ESPNL: variants seen among roughly 807,000 people sequenced by gnomAD.
The protein encoded by ESPNL is espin like.
A neutral mutation model predicts 46.8 loss-of-function variants in ESPNL; 49 were observed. That is an observed-to-expected ratio of 1.05 (90% confidence interval 0.83 to 1.33). ESPNL has a LOEUF of 1.33. Ranked by LOEUF, ESPNL falls within the 40% of genes most tolerant of loss-of-function variation. The pLI, the probability that ESPNL is intolerant of heterozygous loss-of-function variation, is 0.00. For synonymous variants in ESPNL, 664 were observed against 662.1 expected (o/e 1.00, Z -0.04); for missense variants, 1,540 against 1,436.6 (o/e 1.07, Z -1.16).
In ESPNL at chr2:238,132,990, CA is replaced by C; in HGVS notation, c.*1262del. The C allele has an allele frequency of 6.6e-6, 1 of 152,410 alleles. No individual in the cohort carries two copies. The highest frequency in any genetic ancestry group is 1.5e-5 in the Non-Finnish European group (1 of 68,072). 9.4% of individuals were successfully genotyped at this position (152,410 alleles called of 1,614,324 possible). A position where few individuals can be genotyped will look rare whatever the true frequency, so the allele number is the denominator to read the frequency against. ...CCTCAATCCCTGGGGATTGTCCAGGCAAAACCTGGAGGGCAGCGGGCAAGCT... is the reference window on the plus strand; with the variant it reads ...CCTCAATCCCTGGGGATTGTCCAGGCAAACCTGGAGGGCAGCGGGCAAGCT... On this transcript the variant is annotated 3_prime_UTR_variant, in exon 9 of 9. Transcript: ENST00000343063.
intron 6 of ESPNL, 35 bp downstream of exon 6, chr2:238,125,419 A>T: frequency 7.6e-7 from 1 of 1,313,462 alleles, no homozygotes; most frequent in Non-Finnish European, 1.0e-6. Context: ...CACCCAGGGC[A>T]TGGGCCTGGG....
At chr2:238,120,717 T>G (rs1342382248) in intron 5 of ESPNL, among the ~76,000 whole-genome samples, 1 of 152,216 alleles carries the variant, frequency 6.6e-6, no homozygotes, top group Non-Finnish European at 1.5e-5. Context: ...GAGGGTCTGG[T>G]GACGGCAGGG....
chr2:238,105,680 C>CG (rs1421137884), intron 3 of ESPNL, among the ~76,000 whole-genome samples: 6 of 151,840 alleles, frequency 4.0e-5, no homozygotes, highest in East Asian at 1.9e-4. Flanking sequence ...CCATGGGGCC[C>CG]GGGGGCGGGC....
chr2:238,123,041 G>A (rs947142864), intron 5 of ESPNL, among the ~76,000 whole-genome samples: 5 of 152,212 alleles, frequency 3.3e-5, no homozygotes, highest in South Asian at 4.1e-4. Flanking sequence ...GCTTTGAGGC[G>A]TTCCCTTGCC....
At chr2:238,106,069 C>T (rs1420535973) in intron 3 of ESPNL, among the ~76,000 whole-genome samples, 3 of 152,228 alleles carry the variant, frequency 2.0e-5, no homozygotes, top group Admixed American at 6.5e-5. Flanking sequence ...TTCCTCCCCA[C>T]CGGCGCACCA....
rs528029677 is a variant in ESPNL, at chr2:238,117,790, T to A, written c.987+756T>A. Among the ~76,000 whole-genome samples the A allele has an allele frequency of 9.9e-5, 15 of 151,822 alleles. No individual in the cohort carries two copies. The South Asian group carries it at 1.0e-3, about 11-fold the overall frequency. On this transcript the variant is annotated intron_variant, in intron 5 of 8. Coordinates refer to ENST00000343063, the MANE Select transcript of ESPNL (RefSeq NM_194312.4). ...GCATGAGGGTGAGCAGAGGAAGGGATGGATGGGGAGGGAACAGACAGAGGA... is the reference window on the plus strand; with the variant it reads ...GCATGAGGGTGAGCAGAGGAAGGGAAGGATGGGGAGGGAACAGACAGAGGA...
intron 6 of ESPNL, among the ~76,000 whole-genome samples, chr2:238,126,449 T>C (rs1692118817): frequency 6.6e-6 from 1 of 151,904 alleles, no homozygotes; most frequent in African/African-American, 2.4e-5. Context: ...AGTGTGTGAT[T>C]GTGTCTATGT....
In ESPNL at chr2:238,102,150, C is replaced by T. The variant is rs908483487; in HGVS notation, c.485+19C>T. Reference sequence around the variant, plus strand: ...ATGGCAGGTAAGGAGCCCAAAGTCCCGCCTGGGGGGGCAGCCTGGGGCGAG... The same window carrying T: ...ATGGCAGGTAAGGAGCCCAAAGTCCTGCCTGGGGGGGCAGCCTGGGGCGAG... On this transcript the variant is annotated intron_variant, in intron 2 of 8. Transcript: ENST00000343063. 52 of 1,513,930 alleles carry T rather than the reference C, an allele frequency of 3.4e-5. No individual in the cohort carries two copies. The highest frequency in any genetic ancestry group is 3.0e-4 in the African/African-American group (22 of 72,370). 93.8% of individuals were successfully genotyped at this position (1,513,930 alleles called of 1,614,324 possible).
At chr2:238,102,906 C>G (rs575922842) in intron 2 of ESPNL, among the ~76,000 whole-genome samples, 1 of 152,352 alleles carries the variant, frequency 6.6e-6, no homozygotes, top group South Asian at 2.1e-4. Flanking sequence ...GCCCCAGAGG[C>G]CTCAGTCCCC....
At chr2:238,120,582 C>T (rs894892947) in intron 5 of ESPNL, among the ~76,000 whole-genome samples, 16 of 152,270 alleles carry the variant, frequency 1.1e-4, no homozygotes, top group South Asian at 2.1e-4. Context: ...CGCGCCTGGG[C>T]GCCCCCTGCC....
chr2:238,124,539 G>A (rs1033604318), intron 5 of ESPNL, among the ~76,000 whole-genome samples: 3 of 152,138 alleles, frequency 2.0e-5, no homozygotes, highest in Non-Finnish European at 4.4e-5. Context: ...AGGGGGGTGT[G>A]CGGGAGAGTG....
rs1692078485 is a variant in ESPNL at position 238,125,275 on chromosome 2, C to CCTG, written c.997_999dup (p.Leu333dup). The CCTG allele has an allele frequency of 6.6e-7, 1 of 1,504,700 alleles. No individual in the cohort carries two copies. Among genetic ancestry groups the CCTG allele is most frequent in the Admixed American group, 2.2e-5 (1 of 46,290 alleles). 93.2% of individuals were successfully genotyped at this position (1,504,700 alleles called of 1,614,324 possible). On this transcript the variant is annotated inframe_insertion, in exon 6 of 9. Transcript: ENST00000343063. ...CCAGGCCCATTCACCCACAGGTGCCCCTGCTGATGACGCCCCCACCACCAC... is the reference window on the plus strand; with the variant it reads ...CCAGGCCCATTCACCCACAGGTGCCCCTGCTGCTGATGACGCCCCCACCACCAC...
chr2:238,125,429 G>C, intron 6 of ESPNL, 45 bp downstream of exon 6: 4 of 1,231,004 alleles, frequency 3.2e-6, no homozygotes, highest in Non-Finnish European at 4.4e-6. Flanking sequence ...ATGGGCCTGG[G>C]AGAGGGTGCC....
rs959883258 is a variant in ESPNL at position 238,128,596 on chromosome 2, C to A, written c.1216-111C>A. On this transcript the variant is annotated intron_variant, in intron 7 of 8. Transcript: ENST00000343063. ...CCCCACTGTCCCTCCTCTCAGGGCGCCCTGTTAGCGTGCCCTGGGCGGAGC... is the reference window on the plus strand; with the variant it reads ...CCCCACTGTCCCTCCTCTCAGGGCGACCTGTTAGCGTGCCCTGGGCGGAGC... The A allele has an allele frequency of 2.9e-6, 3 of 1,017,496 alleles. No individual in the cohort carries two copies. The East Asian group carries it at 7.9e-5, about 27-fold the overall frequency. The allele number at this position is 1,017,496 out of a possible 1,614,324, so 63.0% of individuals were successfully genotyped here.
chr2:238,127,904 G>A (rs1249959193), intron 7 of ESPNL, among the ~76,000 whole-genome samples, 170 bp downstream of exon 7: 1 of 152,188 alleles, frequency 6.6e-6, no homozygotes, highest in African/African-American at 2.4e-5. Flanking sequence ...GAGTTCTGAA[G>A]AGACAGGAAT....
rs1185425289 is a variant in ESPNL, at chr2:238,131,003, C to T, written c.2289C>T (p.Cys763=). Residue 763 remains cysteine (C), a synonymous_variant, in exon 9 of 9, where the codon TGC becomes TGT. Coordinates refer to ENST00000343063, the MANE Select transcript of ESPNL (RefSeq NM_194312.4). The part of the protein sequence containing the change: ...AYTPALKTVA[C]RTLGARHAGL... ...CGCCGGCCCTCAAGACAGTGGCCTG[C>T]AGGACCCTAGGAGCCCGCCACGCGG... 6.5e-7 allele frequency: 1 copy of T among 1,544,242 alleles called. No individual in the cohort carries two copies.
chr2:238,103,670 C>T (rs1691535037), intron 2 of ESPNL, among the ~76,000 whole-genome samples: 1 of 152,194 alleles, frequency 6.6e-6, no homozygotes, highest in African/African-American at 2.4e-5. Flanking sequence ...ACCCTGGATG[C>T]AGTCAAGGAC....
At chr2:238,111,299 A>C (rs1047279438) in intron 4 of ESPNL, among the ~76,000 whole-genome samples, 13 of 152,190 alleles carry the variant, frequency 8.5e-5, no homozygotes, top group Non-Finnish European at 1.6e-4. Context: ...AAAAATACGT[A>C]ACATAAAATT....
In ESPNL at chr2:238,125,788, T is replaced by TGGAGTGGAGC. The variant is rs1296623356; in HGVS notation, c.1102+413_1102+414insCGGAGTGGAG. On this transcript the variant is annotated intron_variant, in intron 6 of 8. Transcript: ENST00000343063. ...CAGCTTGGAGTGGAGTGGAGTGGAGTGGAGTGGAGTGGAGTGGAGTGGAAT... is the reference window on the plus strand; with the variant it reads ...CAGCTTGGAGTGGAGTGGAGTGGAGTGGAGTGGAGCGGAGTGGAGTGGAGTGGAGTGGAAT... Among the ~76,000 whole-genome samples, 56 of 150,020 alleles carry TGGAGTGGAGC rather than the reference T, an allele frequency of 3.7e-4. 1 individual carries two copies. The highest frequency in any genetic ancestry group is 3.4e-3 in the Admixed American group (51 of 15,080).
Sources: allele counts gnomAD v4.1 joint callset (sites outside exome capture counted in the v4.1 genomes callset), GRCh38; gene constraint gnomAD v4.1.1; transcripts MANE v1.5; gene names NCBI Gene and HGNC (gene_info 2026-07-23, HGNC 2026-07-21).